Variants in GPR19 observed in about 807,000 individuals in gnomAD.
GPR19 encodes the protein G protein-coupled receptor 19.
GPR19 carries 14 observed loss-of-function variants against 28.5 expected under a neutral mutation model. The ratio of observed to expected loss-of-function variants is 0.49; its 90% CI spans 0.32 to 0.77. GPR19 has a LOEUF of 0.77. Among genes scored for constraint, GPR19 ranks in the 30% least tolerant of loss-of-function variants. GPR19 has a pLI of 0.03. For synonymous variants in GPR19, 173 were observed against 184.1 expected (o/e 0.94, Z 0.49); for missense variants, 409 against 504.1 (o/e 0.81, Z 1.81).
At chr12:12,714,273 C>T in the GPR19 span, among the ~76,000 whole-genome samples, 1 of 152,120 alleles carries the variant, frequency 6.6e-6, no homozygotes, top group South Asian at 2.1e-4. Context: ...TAAACATCCT[C>T]GAGGAAGGAC....
At chr12:12,678,360 G>A (rs1204794640) in intron 3 of GPR19, among the ~76,000 whole-genome samples, 1 of 152,020 alleles carries the variant, frequency 6.6e-6, no homozygotes, top group Non-Finnish European at 1.5e-5. Flanking sequence ...GCTCTGTTTA[G>A]GACATAGCAA....
intron 3 of GPR19, among the ~76,000 whole-genome samples, chr12:12,683,370 A>G (rs1334699492): frequency 6.6e-6 from 1 of 152,220 alleles, no homozygotes; most frequent in Admixed American, 6.5e-5. Context: ...TTTGAAGCCA[A>G]ATTGACTGCT....
At chr12:12,685,703 G>C (rs1227721674) in intron 2 of GPR19, among the ~76,000 whole-genome samples, 2 of 152,196 alleles carry the variant, frequency 1.3e-5, no homozygotes, top group Non-Finnish European at 2.9e-5. Context: ...CACTGCAATA[G>C]TTACTCTCCC....
rs553554064 is a variant in GPR19 at position 12,685,698 on chromosome 12, C to A, written c.-179-1191G>T. On this transcript the variant is annotated intron_variant, in intron 2 of 3. Transcript: ENST00000651487. ...AATCTAGGAATTAGTATGGACACTG[C>A]AATAGTTACTCTCCCCATCCTCCAC... is the stretch of plus-strand genomic sequence containing the variant. 1.2e-4 allele frequency among the ~76,000 whole-genome samples: 18 copies of A among 152,290 alleles called. No homozygotes were observed. The South Asian group carries it at 2.7e-3, about 23-fold the overall frequency.
At chr12:12,681,571 C>T (rs1486275676) in intron 3 of GPR19, among the ~76,000 whole-genome samples, 2 of 152,170 alleles carry the variant, frequency 1.3e-5, no homozygotes, top group African/African-American at 4.8e-5. Flanking sequence ...TGTGCTAGCC[C>T]TGCTTATCTG....
the GPR19 span, among the ~76,000 whole-genome samples, chr12:12,705,989 C>G: frequency 1.3e-5 from 2 of 152,190 alleles, no homozygotes; most frequent in African/African-American, 4.8e-5. Flanking sequence ...CAGCCCTCAC[C>G]CCTGGCCACA....
chr12:12,672,280 G>A (rs951771417), intron 3 of GPR19, among the ~76,000 whole-genome samples: 2 of 152,092 alleles, frequency 1.3e-5, no homozygotes, highest in African/African-American at 2.4e-5. Context: ...CCACCCCCAC[G>A]GATGTATAAA....
chr12:12,708,540 T>C, the GPR19 span, among the ~76,000 whole-genome samples: 1 of 152,184 alleles, frequency 6.6e-6, no homozygotes, highest in Non-Finnish European at 1.5e-5. Context: ...TGCAAACCTA[T>C]CCAGTCACTG....
chr12:12,676,944 A>C (rs1945940033), intron 3 of GPR19, among the ~76,000 whole-genome samples: 2 of 152,242 alleles, frequency 1.3e-5, no homozygotes, highest in African/African-American at 4.8e-5. Context: ...ATCAAGAGGC[A>C]AAGACTAGAC....
intron 3 of GPR19, among the ~76,000 whole-genome samples, chr12:12,669,462 C>T (rs746762510): frequency 2.6e-5 from 4 of 152,174 alleles, no homozygotes; most frequent in African/African-American, 4.8e-5. Context: ...TACCACGGTA[C>T]GGAGATTTTA....
chr12:12,711,625 CTGG>C, the GPR19 span, among the ~76,000 whole-genome samples: 1 of 152,170 alleles, frequency 6.6e-6, no homozygotes, highest in African/African-American at 2.4e-5. Context: ...AATTCTGCTA[CTGG>C]GAAAGAAGGC....
chr12:12,704,488 C>T, the GPR19 span, among the ~76,000 whole-genome samples: 1 of 151,934 alleles, frequency 6.6e-6, no homozygotes, highest in Non-Finnish European at 1.5e-5. Context: ...GGCAACAGAG[C>T]GAGACTCTGT....
chr12:12,716,127 C>T, the GPR19 span, among the ~76,000 whole-genome samples: 2 of 152,194 alleles, frequency 1.3e-5, no homozygotes, highest in Non-Finnish European at 2.9e-5. Context: ...CCTACTTTAC[C>T]TTCCACCACG....
At chr12:12,706,225 C>G in the GPR19 span, among the ~76,000 whole-genome samples, 1 of 152,204 alleles carries the variant, frequency 6.6e-6, no homozygotes, top group East Asian at 1.9e-4. Context: ...CAGTGTTTAT[C>G]TTACTTGACC....
chr12:12,678,545 G>A (rs752010776), intron 3 of GPR19, among the ~76,000 whole-genome samples: 38 of 152,242 alleles, frequency 2.5e-4, no homozygotes, highest in Middle Eastern at 3.4e-3. Context: ...CTAGTTCTCC[G>A]AGTCTACTAA....
chr12:12,662,193 C>G lies in GPR19; in HGVS notation c.256G>C (p.Val86Leu), dbSNP rs200614871. 5 of 1,614,202 alleles carry G rather than the reference C, an allele frequency of 3.1e-6. No homozygotes were observed. Among genetic ancestry groups the G allele is most frequent in the Admixed American group, 1.7e-5 (1 of 60,016 alleles). ...WLFSIFGNSL[V>L]CLVIHRSRRT... ...CTACTCCTATGGATGACCAAACAAACCAGGGAATTGCCGAAGATAGAAAAC... is the reference window on the plus strand; with the variant it reads ...CTACTCCTATGGATGACCAAACAAAGCAGGGAATTGCCGAAGATAGAAAAC... The change falls in exon 4 of 4, where the codon GTT (valine) becomes CTT (leucine). Residue 86 changes from valine (V) to leucine (L), a missense_variant. Coordinates refer to ENST00000651487, the MANE Select transcript of GPR19 (RefSeq NM_006143.3).
In GPR19 at chr12:12,662,030, A is replaced by G. The variant is rs1945682636; in HGVS notation, c.419T>C (p.Val140Ala). 9 of 1,614,266 alleles carry G rather than the reference A, an allele frequency of 5.6e-6. No individual in the cohort carries two copies. The East Asian group carries it at 2.0e-4, about 36-fold the overall frequency. ...RWTLGSATCKVVRYFQYLTPG... is the reference protein window; with the variant it reads ...RWTLGSATCKAVRYFQYLTPG... ...AGTGAGATATTGAAAATATCGCACA[A>G]CCTTGCACGTTGCACTACCCAGCGT... The change falls in exon 4 of 4, where the codon GTT becomes GCT. Residue 140 changes from valine to alanine, a missense_variant. Transcript: ENST00000651487.
chr12:12,712,450 G>A, the GPR19 span, among the ~76,000 whole-genome samples: 253 of 152,278 alleles, frequency 1.7e-3, 1 homozygote, highest in African/African-American at 5.9e-3. Context: ...CCATCAGTTC[G>A]CAGTACTTAC....
upstream of GPR19, among the ~76,000 whole-genome samples, chr12:12,698,948 C>T (rs1946298052): frequency 6.6e-6 from 1 of 151,984 alleles, no homozygotes; most frequent in Non-Finnish European, 1.5e-5. Context: ...CTAACTAATA[C>T]ATAGGGAACA....
Sources: gnomAD v4.1 joint callset for allele counts (sites outside exome capture counted in the v4.1 genomes callset) on GRCh38, gnomAD v4.1.1 for gene constraint, MANE v1.5 for transcripts, NCBI Gene and HGNC (gene_info 2026-07-23, HGNC 2026-07-21) for gene names.